Variants in TBC1D4 observed in about 807,000 individuals in gnomAD.
The protein encoded by TBC1D4 is TBC (Tre-2, BUB2, CDC16) domain-containing protein.
In TBC1D4, 121 loss-of-function variants were observed where a neutral mutation model predicts 142.5. That is an observed-to-expected ratio of 0.85 (90% CI 0.73 to 0.99). The LOEUF is 0.99. Among genes scored for constraint, TBC1D4 ranks in the 50% least tolerant of loss-of-function variants. The pLI is 0.00. For missense variants in TBC1D4, 1,475 were observed against 1,606.6 expected (o/e 0.92, Z 1.40); for synonymous variants, 630 against 628.2 (o/e 1.00, Z -0.04).
chr13:75,459,777 T>C (rs1331988030), intron 1 of TBC1D4, among the ~76,000 whole-genome samples: 1 of 152,176 alleles, frequency 6.6e-6, no homozygotes, highest in Admixed American at 6.5e-5. Flanking sequence ...ACAGTCCTAC[T>C]CAGAAAGGAA....
Position 75,356,059 on chromosome 13 carries a change from T to A in TBC1D4, c.1275+88A>T, listed in dbSNP as rs1052678695. 21 of 947,584 alleles carry A rather than the reference T, an allele frequency of 2.2e-5. No homozygotes were observed. In the Admixed American group the frequency reaches 4.1e-4, roughly 18 times the overall value. The allele number at this position is 947,584 out of a possible 1,614,324, so 58.7% of individuals were successfully genotyped here. On this transcript the variant is annotated intron_variant, in intron 4 of 20. Transcript: ENST00000377636. ...CTTCTTCTTTTCCCATAGATAGCCA[T>A]ATTGCAAGGCTTGGGCTCCTAAGAG...
At chr13:75,366,069 C>T (rs963623942) in intron 1 of TBC1D4, among the ~76,000 whole-genome samples, 8 of 152,200 alleles carry the variant, frequency 5.3e-5, no homozygotes, top group African/African-American at 9.6e-5. Flanking sequence ...TCAAGCTACA[C>T]ACCCTAGCTA....
At chr13:75,369,400 G>A (rs1883099606) in intron 1 of TBC1D4, among the ~76,000 whole-genome samples, 1 of 152,110 alleles carries the variant, frequency 6.6e-6, no homozygotes, top group African/African-American at 2.4e-5. Context: ...GTTGAGGTGG[G>A]AGGATCACTT....
chr13:75,457,464 A>G (rs774657622), intron 1 of TBC1D4, among the ~76,000 whole-genome samples: 21 of 152,298 alleles, frequency 1.4e-4, no homozygotes, highest in Admixed American at 3.3e-4. Flanking sequence ...ATATTGCTAA[A>G]TGTCCACTGG....
At chr13:75,442,052 G>T (rs1887063152) in intron 1 of TBC1D4, among the ~76,000 whole-genome samples, 1 of 152,100 alleles carries the variant, frequency 6.6e-6, no homozygotes, top group Non-Finnish European at 1.5e-5. Flanking sequence ...TCAAATAATG[G>T]TTTCAGAAAA....
At chr13:75,374,232 T>A (rs1156580844) in intron 1 of TBC1D4, among the ~76,000 whole-genome samples, 1 of 152,046 alleles carries the variant, frequency 6.6e-6, no homozygotes, top group Admixed American at 6.6e-5. Context: ...CCTCTCTCCC[T>A]CCACAGAACT....
At chr13:75,481,207 C>T in intron 1 of TBC1D4, 63 bp downstream of exon 1, 3 of 1,435,992 alleles carry the variant, frequency 2.1e-6, no homozygotes, top group Non-Finnish European at 2.8e-6. Flanking sequence ...CCCGCCCCTC[C>T]CGCCCTGCTC....
In TBC1D4 at chr13:75,379,885, CTCTTTT is replaced by C. The variant is rs1566443747; in HGVS notation, c.499-17284_499-17279del. On this transcript the variant is annotated intron_variant, in intron 1 of 20. Transcript: ENST00000377636. ...AAGTATATCAGTTTTGTTCATCTGACTCTTTTTTTTTTTTTTTTTTTTTTTTTTTTT... is the reference window on the plus strand; with the variant it reads ...AAGTATATCAGTTTTGTTCATCTGACTTTTTTTTTTTTTTTTTTTTTTTTT... 3.0e-3 allele frequency among the ~76,000 whole-genome samples: 299 copies of C among 98,450 alleles called. 60 individuals are homozygous for C. The highest frequency in any genetic ancestry group is 0.03 in the Middle Eastern group (4 of 132). 64.6% of individuals were successfully genotyped at this position (98,450 alleles called of 152,430 possible).
At chr13:75,310,208 T>C (rs1431990018) in intron 13 of TBC1D4, 57 bp from the exon 14 acceptor site, 24 of 1,533,302 alleles carry the variant, frequency 1.6e-5, no homozygotes, top group Non-Finnish European at 2.0e-5. Flanking sequence ...ACTACCCAAG[T>C]TTCTGTAGAA....
chr13:75,334,731 G>A lies in TBC1D4; in HGVS notation c.1731+2190C>T, dbSNP rs1017731463. Among the ~76,000 whole-genome samples the A allele has an allele frequency of 8.6e-5, 13 of 151,772 alleles. No homozygotes were observed. In the South Asian group the frequency reaches 2.7e-3, roughly 32 times the overall value. On this transcript the variant is annotated intron_variant, in intron 8 of 20. Transcript: ENST00000377636. Reference sequence around the variant, plus strand: ...CCTGAGTAGCTGGGATTACAGGCACGCAACACCACACCCGGCTCATTTTTT... The same window carrying A: ...CCTGAGTAGCTGGGATTACAGGCACACAACACCACACCCGGCTCATTTTTT...
At chr13:75,430,515 G>A (rs536239817) in intron 1 of TBC1D4, among the ~76,000 whole-genome samples, 5 of 152,214 alleles carry the variant, frequency 3.3e-5, no homozygotes, top group East Asian at 1.9e-4. Context: ...TCACACTACC[G>A]GAATTTATAA....
rs1875728530 is a variant in TBC1D4, at chr13:75,294,862, C to T, written c.3308G>A (p.Arg1103Lys). The T allele has an allele frequency of 6.2e-7, 1 of 1,613,660 alleles. No homozygotes were observed. Among genetic ancestry groups the T allele is most frequent in the Non-Finnish European group, 8.5e-7 (1 of 1,179,796 alleles). ...ASQFSLGFVARVFDIIFLQGT... is the reference protein window; with the variant it reads ...ASQFSLGFVAKVFDIIFLQGT... The stretch of plus-strand genomic sequence containing the variant: ...TTACAGGTATCTCTTACCAAAAACT[C>T]TGGCTACAAATCCTAATGAAAACTG... Residue 1103 changes from arginine to lysine, a missense_variant, in exon 18 of 21, where the codon AGA becomes AAA. Physicochemically the swap from Arg to Lys is conservative, Grantham distance 26 (BLOSUM62 2). Coordinates refer to ENST00000377636, the MANE Select transcript of TBC1D4 (RefSeq NM_014832.5).
chr13:75,426,571 C>G (rs1318123857), intron 1 of TBC1D4, among the ~76,000 whole-genome samples: 3 of 152,186 alleles, frequency 2.0e-5, no homozygotes, highest in Non-Finnish European at 4.4e-5. Flanking sequence ...GTATGAGACT[C>G]AGGAACTATT....
At chr13:75,409,089 A>C (rs1885478169) in intron 1 of TBC1D4, among the ~76,000 whole-genome samples, 2 of 152,024 alleles carry the variant, frequency 1.3e-5, no homozygotes, top group South Asian at 4.1e-4. Flanking sequence ...TTTTTCATAA[A>C]GAGTTATTGG....
chr13:75,466,689 G>A (rs1267736202), intron 1 of TBC1D4, among the ~76,000 whole-genome samples: 2 of 151,924 alleles, frequency 1.3e-5, no homozygotes, highest in Non-Finnish European at 2.9e-5. Flanking sequence ...TGGCCAACAT[G>A]ATGAAACCCC....
chr13:75,472,012 C>T (rs1217325896), intron 1 of TBC1D4, among the ~76,000 whole-genome samples: 8 of 150,384 alleles, frequency 5.3e-5, no homozygotes, highest in African/African-American at 2.0e-4. Context: ...GAGGCTGAGG[C>T]AGGAGAATCA....
intron 1 of TBC1D4, among the ~76,000 whole-genome samples, chr13:75,382,778 T>C (rs558482182): frequency 1.3e-5 from 2 of 152,338 alleles, no homozygotes; most frequent in East Asian, 3.9e-4. Context: ...AAGGACTTAG[T>C]GTGAAAAATG....
intron 10 of TBC1D4, 121 bp downstream of exon 10, chr13:75,326,076 T>C (rs978452359): frequency 5.3e-6 from 6 of 1,123,502 alleles, no homozygotes; most frequent in South Asian, 2.7e-5. Context: ...TTTGTTTTTA[T>C]GGTGTTTCTC....
intron 19 of TBC1D4, among the ~76,000 whole-genome samples, 198 bp downstream of exon 19, chr13:75,291,904 G>A (rs973697136): frequency 2.0e-5 from 3 of 152,102 alleles, no homozygotes; most frequent in Non-Finnish European, 4.4e-5. Flanking sequence ...AACTCATTAC[G>A]TAGCACTAAA....
Sources: gnomAD v4.1 joint callset for allele counts (sites outside exome capture counted in the v4.1 genomes callset) on GRCh38, gnomAD v4.1.1 for gene constraint, MANE v1.5 for transcripts, NCBI Gene and HGNC (gene_info 2026-07-23, HGNC 2026-07-21) for gene names.